Variants in NRG3 observed in about 807,000 individuals in gnomAD.
NRG3 encodes the protein neuregulin 3.
Under a neutral mutation model 66.9 loss-of-function variants are expected in NRG3, and 31 were observed. That is an observed-to-expected ratio of 0.46 (90% CI 0.35 to 0.63). The LOEUF (loss-of-function observed/expected upper bound fraction) is 0.63. NRG3 is among the 20% of genes least tolerant of loss of function. The pLI is 0.00. For synonymous variants in NRG3, 393 were observed against 359.4 expected, an observed-to-expected ratio of 1.09 and a Z score of -1.06; for missense variants, 910 against 878.9, an observed-to-expected ratio of 1.04 and a Z score of -0.45.
At chr10:81,969,131 G>A (rs1267188406) in intron 1 of NRG3, among the ~76,000 whole-genome samples, 4 of 152,136 alleles carry the variant, frequency 2.6e-5, no homozygotes, top group Non-Finnish European at 4.4e-5. Flanking sequence ...GGACATGACC[G>A]TGCTTTTGCT....
chr10:82,073,617 A>G (rs908781814), intron 1 of NRG3, among the ~76,000 whole-genome samples: 1 of 151,826 alleles, frequency 6.6e-6, no homozygotes, highest in African/African-American at 2.4e-5. Flanking sequence ...CTTTTTTGCC[A>G]TTTTCATGGT....
intron 1 of NRG3, among the ~76,000 whole-genome samples, chr10:82,193,033 A>G (rs2074247476): frequency 6.6e-6 from 1 of 151,928 alleles, no homozygotes; most frequent in South Asian, 2.1e-4. Flanking sequence ...GAGAGAGAAG[A>G]GCTTAGATTT....
chr10:81,895,338 A>G (rs1387075044), intron 1 of NRG3, among the ~76,000 whole-genome samples: 1 of 152,170 alleles, frequency 6.6e-6, no homozygotes, highest in African/African-American at 2.4e-5. Flanking sequence ...TATCATAGAT[A>G]GATACATTCT....
At chr10:82,333,538 T>A (rs1223326953) in intron 1 of NRG3, among the ~76,000 whole-genome samples, 8 of 152,242 alleles carry the variant, frequency 5.3e-5, no homozygotes, top group Non-Finnish European at 1.2e-4. Context: ...CATCATTTTC[T>A]ATAGACATTT....
intron 1 of NRG3, among the ~76,000 whole-genome samples, chr10:82,037,383 C>T (rs1269702699): frequency 1.3e-5 from 2 of 152,096 alleles, no homozygotes; most frequent in African/African-American, 4.8e-5. Context: ...GGCACTAGGG[C>T]CAAAGGCAAG....
chr10:82,086,890 A>C (rs143414424), intron 1 of NRG3, among the ~76,000 whole-genome samples: 1 of 152,130 alleles, frequency 6.6e-6, no homozygotes, highest in Non-Finnish European at 1.5e-5. Flanking sequence ...TGCTGTATCA[A>C]TGTTGACTCT....
intron 1 of NRG3, among the ~76,000 whole-genome samples, chr10:82,223,662 CACACACACACACACACACACAT>C (rs2076041731): frequency 1.3e-5 from 2 of 150,766 alleles, no homozygotes. Context: ...CACACACACA[CACACACACACACACACACACAT>C]ACACACCACC....
At chr10:82,495,004 G>A (rs1320578532) in intron 2 of NRG3, among the ~76,000 whole-genome samples, 2 of 151,194 alleles carry the variant, frequency 1.3e-5, no homozygotes, top group African/African-American at 2.4e-5. Flanking sequence ...GCAGTGGCAC[G>A]ATCTCCACTC....
chr10:82,943,182 A>G (rs1848716331), intron 4 of NRG3, among the ~76,000 whole-genome samples: 1 of 152,212 alleles, frequency 6.6e-6, no homozygotes, highest in African/African-American at 2.4e-5. Flanking sequence ...TTTATATGCC[A>G]TGTATTATTC....
At chr10:82,738,368 C>G (rs531108050) in intron 2 of NRG3, among the ~76,000 whole-genome samples, 1 of 152,284 alleles carries the variant, frequency 6.6e-6, no homozygotes, top group Non-Finnish European at 1.5e-5. Flanking sequence ...ACTATAAAAG[C>G]AAAGCTACAT....
At chr10:82,741,949 A>G (rs993431045) in intron 3 of NRG3, among the ~76,000 whole-genome samples, 2 of 152,160 alleles carry the variant, frequency 1.3e-5, no homozygotes, top group African/African-American at 2.4e-5. Flanking sequence ...TTAAATCCCT[A>G]ATGAAATTTC....
chr10:82,972,129 AC>A, intron 6 of NRG3, among the ~76,000 whole-genome samples: 1 of 151,444 alleles, frequency 6.6e-6, no homozygotes, highest in Non-Finnish European at 1.5e-5. Flanking sequence ...CTTGTTACAA[AC>A]CCCCTTATTA....
chr10:82,729,430 A>T (rs1169368134), intron 2 of NRG3, among the ~76,000 whole-genome samples: 1 of 151,816 alleles, frequency 6.6e-6, no homozygotes, highest in Non-Finnish European at 1.5e-5. Context: ...TTACATTCTT[A>T]TACTAAAAAT....
intron 1 of NRG3, among the ~76,000 whole-genome samples, chr10:81,970,693 A>C (rs76334030): frequency 0.01 from 1,529 of 152,050 alleles, 25 homozygotes; most frequent in African/African-American, 0.03. Context: ...GTGTGAAAAA[A>C]ATATGCTAGA....
At chr10:82,032,017 C>T (rs573249563) in intron 1 of NRG3, among the ~76,000 whole-genome samples, 3 of 152,064 alleles carry the variant, frequency 2.0e-5, no homozygotes, top group Admixed American at 6.5e-5. Flanking sequence ...AGTTGCTGTT[C>T]CTTGTTAGGA....
intron 1 of NRG3, among the ~76,000 whole-genome samples, chr10:81,991,403 A>G (rs2133574180): frequency 6.6e-6 from 1 of 152,278 alleles, no homozygotes; most frequent in Non-Finnish European, 1.5e-5. Context: ...TCATGCTCAA[A>G]GTCTGTTAAT....
At chr10:82,747,758 CTTTGA>C in intron 3 of NRG3, among the ~76,000 whole-genome samples, 1 of 151,858 alleles carries the variant, frequency 6.6e-6, no homozygotes, top group African/African-American at 2.4e-5. Flanking sequence ...CCAGATTGCT[CTTTGA>C]TTTATTATTT....
intron 1 of NRG3, among the ~76,000 whole-genome samples, chr10:82,233,590 G>C (rs1305908507): frequency 3.3e-5 from 5 of 151,954 alleles, no homozygotes; most frequent in African/African-American, 1.2e-4. Context: ...ATCTTCTAAT[G>C]ACTTGCCTGA....
At chr10:81,994,488 A>T (rs938404447) in intron 1 of NRG3, among the ~76,000 whole-genome samples, 2 of 152,080 alleles carry the variant, frequency 1.3e-5, no homozygotes, top group Non-Finnish European at 2.9e-5. Context: ...ACTTTCTAGT[A>T]CTTGAGATTT....
Sources: gnomAD v4.1 joint callset for allele counts (sites outside exome capture counted in the v4.1 genomes callset) on GRCh38, gnomAD v4.1.1 for gene constraint, MANE v1.5 for transcripts, NCBI Gene and HGNC (gene_info 2026-07-23, HGNC 2026-07-21) for gene names.